The following USP13 variants were observed in gnomAD, a reference collection of about 807,000 sequenced individuals.
USP13 encodes the protein ubiquitin specific peptidase 13, also known as ubiquitin carboxyl-terminal hydrolase 13.
In USP13, 68 loss-of-function variants were observed where a neutral mutation model predicts 107.8. That is an observed-to-expected ratio of 0.63 (90% CI 0.52 to 0.77). The LOEUF (loss-of-function observed/expected upper bound fraction) is 0.77. Among genes scored for constraint, USP13 ranks in the 30% least tolerant of loss-of-function variants. USP13 has a pLI of 0.00. For missense variants in USP13, 945 were observed against 1,093.3 expected (o/e 0.86, Z 1.91); for synonymous variants, 377 against 389.5 (o/e 0.97, Z 0.38).
intron 1 of USP13, among the ~76,000 whole-genome samples, chr3:179,671,818 G>A (rs1358112604): frequency 1.3e-5 from 2 of 152,014 alleles, no homozygotes; most frequent in African/African-American, 2.4e-5. Flanking sequence ...CTTTTCCAAG[G>A]GTGTGTGAGT....
chr3:179,667,349 A>G (rs977404488), intron 1 of USP13, among the ~76,000 whole-genome samples: 2 of 152,178 alleles, frequency 1.3e-5, no homozygotes, highest in Admixed American at 6.5e-5. Flanking sequence ...TGGAAATTCA[A>G]TCTTCATGTT....
chr3:179,693,318 A>T (rs553414020), intron 3 of USP13, among the ~76,000 whole-genome samples: 8 of 151,818 alleles, frequency 5.3e-5, no homozygotes, highest in Middle Eastern at 3.4e-3. Flanking sequence ...ATGGTTAATT[A>T]AAAAAAATTT....
At chr3:179,705,137 G>A (rs1326862711) in intron 4 of USP13, among the ~76,000 whole-genome samples, 3 of 152,074 alleles carry the variant, frequency 2.0e-5, no homozygotes, top group Non-Finnish European at 4.4e-5. Flanking sequence ...GCTAGGTGGG[G>A]GTGAAATGGC....
chr3:179,690,336 G>A, intron 3 of USP13, 35 bp downstream of exon 3: 1 of 1,583,154 alleles, frequency 6.3e-7, no homozygotes, highest in Non-Finnish European at 8.7e-7. Flanking sequence ...CAGATTTTGT[G>A]TTTGTGTGTG....
chr3:179,770,819 G>A (rs1263737076), intron 19 of USP13, among the ~76,000 whole-genome samples: 3 of 152,038 alleles, frequency 2.0e-5, no homozygotes, highest in African/African-American at 7.2e-5. Context: ...TGTTGGCCAG[G>A]ATGGTCTCCA....
chr3:179,781,761 C>G lies in USP13; in HGVS notation c.2436C>G (p.Ile812Met). The change falls in exon 20 of 21, where the codon ATC becomes ATG. Residue 812 changes from isoleucine to methionine, a missense_variant. Physicochemically the swap from Ile to Met is conservative, Grantham distance 10. Transcript: ENST00000263966. Reference sequence around the variant, plus strand: ...CAGCATATGAGCTATTTGCATTCATCAGTCACATGGGAACATCCACAATGA... The same window carrying G: ...CAGCATATGAGCTATTTGCATTCATGAGTCACATGGGAACATCCACAATGA... ...GSGTYELFAF[I>M]SHMGTSTMSG... The G allele has an allele frequency of 6.2e-7, 1 of 1,614,000 alleles. No homozygotes were observed. The highest frequency in any genetic ancestry group is 8.5e-7 in the Non-Finnish European group (1 of 1,179,958).
intron 6 of USP13, among the ~76,000 whole-genome samples, chr3:179,715,208 T>C (rs941274319): frequency 6.6e-6 from 1 of 151,870 alleles, no homozygotes; most frequent in Non-Finnish European, 1.5e-5. Context: ...TTTTTTTAAA[T>C]TGAGACAGAA....
In USP13 at chr3:179,761,130, C is replaced by T. The variant is rs1714995944; in HGVS notation, c.1967C>T (p.Ser656Leu). Reference protein sequence around the residue: ...QLIDPSDIDESSVMQLAEMGF... With the variant: ...QLIDPSDIDELSVMQLAEMGF... ...TCTGTAGCATCAGACATCGATGAGT[C>T]ATCAGTGATGCAGCTGGCCGAGATG... The change falls in exon 17 of 21, where the codon TCA becomes TTA. Residue 656 changes from serine (S) to leucine (L), a missense_variant. Ser to Leu is a moderately radical substitution (Grantham distance 145). Transcript: ENST00000263966. The T allele has an allele frequency of 4.3e-6, 7 of 1,614,168 alleles. No homozygotes were observed. The East Asian group carries it at 1.1e-4, about 26-fold the overall frequency.
Position 179,708,917 on chromosome 3 carries a change from A to G in USP13, c.765A>G (p.Pro255=). The G allele has an allele frequency of 1.2e-6, 2 of 1,614,098 alleles. No homozygotes were observed. The highest frequency in any genetic ancestry group is 1.1e-5 in the South Asian group (1 of 91,072). ...ALEHYRDMGY[P]LAVKLGTITP... ...AGCATTACAGAGACATGGGCTACCC[A>G]CTAGCCGTGAAACTGGGAACCATCA... Residue 255 remains proline (P), a synonymous_variant, in exon 6 of 21, where the codon CCA becomes CCG. Transcript: ENST00000263966.
chr3:179,756,774 T>C (rs1243051828), intron 15 of USP13, among the ~76,000 whole-genome samples: 1 of 152,130 alleles, frequency 6.6e-6, no homozygotes, highest in Non-Finnish European at 1.5e-5. Flanking sequence ...AAAAGTTTTT[T>C]TTAAAGAAAA....
At chr3:179,657,783 A>AG (rs1214897837) in intron 1 of USP13, among the ~76,000 whole-genome samples, 13 of 148,380 alleles carry the variant, frequency 8.8e-5, no homozygotes, top group African/African-American at 2.0e-4. Flanking sequence ...AAAAAAAAAA[A>AG]AAAGAAAGAA....
Position 179,721,891 on chromosome 3 carries a change from G to A in USP13, c.1088+302G>A, listed in dbSNP as rs1233906236. 2.6e-5 allele frequency among the ~76,000 whole-genome samples: 4 copies of A among 151,858 alleles called. No homozygotes were observed. The highest frequency in any genetic ancestry group is 9.7e-5 in the African/African-American group (4 of 41,318). The stretch of plus-strand genomic sequence containing the variant: ...TCAAGACCAGCCTGACCAACATGAC[G>A]AAACCCGTCTCTACTAAAAATACAA... On this transcript the variant is annotated intron_variant, in intron 8 of 20. Transcript: ENST00000263966. This position sits in a 1 kb window ranked among gnomAD's most constrained non-coding sequence, Gnocchi z 4.3.
At chr3:179,769,507 A>C (rs1387642603) in intron 19 of USP13, among the ~76,000 whole-genome samples, 1 of 152,134 alleles carries the variant, frequency 6.6e-6, no homozygotes, top group Non-Finnish European at 1.5e-5. Context: ...TCCTGGGTTC[A>C]AGTGATTCTC....
rs1250931557 is a variant in USP13, at chr3:179,721,935, G to A, written c.1088+346G>A. 6.6e-6 allele frequency among the ~76,000 whole-genome samples: 1 copy of A among 151,962 alleles called. No individual in the cohort carries two copies. The highest frequency in any genetic ancestry group is 1.5e-5 in the Non-Finnish European group (1 of 67,992). ...AATACAAAAATTAGCCAGGGGTGGT[G>A]GTGCACGCCTGTAATTCCAGCTACT... On this transcript the variant is annotated intron_variant, in intron 8 of 20. Transcript: ENST00000263966. This position sits in a 1 kb window ranked among gnomAD's most constrained non-coding sequence, Gnocchi z 4.3.
chr3:179,675,769 A>T (rs1720876768), intron 1 of USP13, among the ~76,000 whole-genome samples: 1 of 152,062 alleles, frequency 6.6e-6, no homozygotes, highest in Non-Finnish European at 1.5e-5. Flanking sequence ...GCTGGTCTGG[A>T]ACTCCTGGCC....
chr3:179,676,252 A>C (rs898336653), intron 1 of USP13, among the ~76,000 whole-genome samples: 46 of 152,226 alleles, frequency 3.0e-4, no homozygotes, highest in African/African-American at 1.1e-3. Flanking sequence ...TAAATTACCC[A>C]GTCTCGGGTG....
chr3:179,751,718 T>G (rs1473102586), intron 13 of USP13, among the ~76,000 whole-genome samples: 12 of 151,998 alleles, frequency 7.9e-5, no homozygotes, highest in African/African-American at 2.7e-4. Flanking sequence ...TTGAAACAGG[T>G]CCAAAAGCAT....
chr3:179,779,015 A>G lies in USP13; in HGVS notation c.2414-2724A>G, dbSNP rs149497651. Among the ~76,000 whole-genome samples, 168 of 152,284 alleles carry G rather than the reference A, an allele frequency of 1.1e-3. 2 individuals are homozygous for G. Among genetic ancestry groups the G allele is most frequent in the African/African-American group, 3.8e-3 (157 of 41,560 alleles). On this transcript the variant is annotated intron_variant, in intron 19 of 20. Coordinates refer to ENST00000263966, the MANE Select transcript of USP13 (RefSeq NM_003940.3). ...GTTTCAGAAAGAAAGAGCAGTAGGT[A>G]TAAAGGCTTGAAGGTATAACAGCTT... is the stretch of plus-strand genomic sequence containing the variant.
chr3:179,758,369 C>T (rs558584907), intron 16 of USP13, among the ~76,000 whole-genome samples: 4 of 152,252 alleles, frequency 2.6e-5, no homozygotes, highest in African/African-American at 4.8e-5. Flanking sequence ...ACGGTGAGAG[C>T]ATGCAGCCAT....
Sources: allele counts gnomAD v4.1 joint callset (sites outside exome capture counted in the v4.1 genomes callset), GRCh38; gene constraint gnomAD v4.1.1; non-coding constraint Gnocchi (gnomAD v3.1); transcripts MANE v1.5; gene names NCBI Gene and HGNC (gene_info 2026-07-23, HGNC 2026-07-21).